Variants in C12orf54 observed in about 807,000 individuals in gnomAD.
The protein encoded by C12orf54 is chromosome 12 open reading frame 54.
C12orf54 carries 24 observed loss-of-function variants against 26.4 expected under a neutral mutation model. That is an observed-to-expected ratio of 0.91 (90% confidence interval 0.66 to 1.28). The LOEUF is 1.28. C12orf54 is among the 50% of genes most tolerant of loss of function. The pLI is 0.00. For synonymous variants in C12orf54, 54 were observed against 47.0 expected, an observed-to-expected ratio of 1.15 and a Z score of -0.61; for missense variants, 154 against 150.9, an observed-to-expected ratio of 1.02 and a Z score of -0.11.
chr12:48,488,861 A>G (rs1466986025), intron 4 of C12orf54, 63 bp from the exon 5 acceptor site: 2 of 1,386,214 alleles, frequency 1.4e-6, no homozygotes, highest in Non-Finnish European at 1.0e-6. Flanking sequence ...TATATGTGAA[A>G]TCCCTCTGTA....
At chr12:48,414,647 C>T in the C12orf54 span, among the ~76,000 whole-genome samples, 1 of 152,132 alleles carries the variant, frequency 6.6e-6, no homozygotes. Flanking sequence ...CAGGCTGGCC[C>T]TTGGAGAAGG....
chr12:48,437,345 C>T, the C12orf54 span, among the ~76,000 whole-genome samples: 1 of 152,212 alleles, frequency 6.6e-6, no homozygotes, highest in African/African-American at 2.4e-5. Flanking sequence ...GGTACCCTTC[C>T]TTCTGAAACT....
intron 5 of C12orf54, 35 bp downstream of exon 5, chr12:48,488,991 C>T (rs200302287): frequency 6.2e-7 from 1 of 1,601,216 alleles, no homozygotes; most frequent in Middle Eastern, 1.6e-4. Flanking sequence ...AATTCCCCAG[C>T]CCCATCATGT....
chr12:48,437,790 A>G, the C12orf54 span, among the ~76,000 whole-genome samples: 1 of 152,176 alleles, frequency 6.6e-6, no homozygotes, highest in Non-Finnish European at 1.5e-5. Flanking sequence ...ACCCACAGCC[A>G]ATATCATACT....
the C12orf54 span, among the ~76,000 whole-genome samples, chr12:48,415,955 T>C: frequency 6.6e-6 from 1 of 152,234 alleles, no homozygotes; most frequent in Non-Finnish European, 1.5e-5. Context: ...CAGTAAATGA[T>C]GTACCATCAT....
the C12orf54 span, among the ~76,000 whole-genome samples, chr12:48,424,503 A>AT: frequency 2.0e-5 from 3 of 151,646 alleles, no homozygotes; most frequent in Admixed American, 6.6e-5. Flanking sequence ...TAAAAATTCA[A>AT]TTTTTTTATG....
chr12:48,427,142 C>T, the C12orf54 span, among the ~76,000 whole-genome samples: 1 of 152,088 alleles, frequency 6.6e-6, no homozygotes, highest in Non-Finnish European at 1.5e-5. Context: ...GAGAGGGCAT[C>T]CTTGTCTTGT....
chr12:48,420,616 C>T, the C12orf54 span, among the ~76,000 whole-genome samples: 2 of 152,166 alleles, frequency 1.3e-5, no homozygotes, highest in Non-Finnish European at 2.9e-5. Flanking sequence ...AGGAGCCCAA[C>T]TTAGATGCCA....
the C12orf54 span, among the ~76,000 whole-genome samples, chr12:48,413,536 G>A: frequency 1.3e-5 from 2 of 152,152 alleles, no homozygotes; most frequent in Non-Finnish European, 2.9e-5. Context: ...TTTGAAGAGT[G>A]TCTTGAAGTG....
the C12orf54 span, among the ~76,000 whole-genome samples, chr12:48,452,314 C>A: frequency 6.6e-6 from 1 of 152,162 alleles, no homozygotes; most frequent in Non-Finnish European, 1.5e-5. Flanking sequence ...CCCTTCCTCA[C>A]CCCATATGCA....
chr12:48,426,593 A>C, the C12orf54 span, among the ~76,000 whole-genome samples: 1 of 152,090 alleles, frequency 6.6e-6, no homozygotes, highest in Non-Finnish European at 1.5e-5. Flanking sequence ...TATGAATTTT[A>C]AAATTGTTGT....
At chr12:48,470,117 C>A in the C12orf54 span, among the ~76,000 whole-genome samples, 1 of 152,174 alleles carries the variant, frequency 6.6e-6, no homozygotes, top group Non-Finnish European at 1.5e-5. Flanking sequence ...TAGGTTGATT[C>A]CATGTCTTTA....
chr12:48,478,276 C>A (rs973525442), upstream of C12orf54, among the ~76,000 whole-genome samples: 3 of 152,104 alleles, frequency 2.0e-5, no homozygotes, highest in African/African-American at 7.2e-5. Context: ...CTATGACAAA[C>A]CCACAGCCAA....
At chr12:48,424,815 G>A in the C12orf54 span, among the ~76,000 whole-genome samples, 1 of 152,050 alleles carries the variant, frequency 6.6e-6, no homozygotes, top group Non-Finnish European at 1.5e-5. Context: ...AAAGAACCCA[G>A]ACACAAATGA....
the C12orf54 span, chr12:48,417,402 T>C: frequency 6.6e-6 from 1 of 152,202 alleles, no homozygotes; most frequent in South Asian, 2.1e-4. Context: ...TGCTTCCCTA[T>C]TTCCTCTGAG....
At chr12:48,431,548 A>G in the C12orf54 span, among the ~76,000 whole-genome samples, 1 of 152,186 alleles carries the variant, frequency 6.6e-6, no homozygotes, top group Non-Finnish European at 1.5e-5. Context: ...ATTCACTAAC[A>G]AAATATAAAA....
chr12:48,483,878 A>G (rs1490763201), intron 2 of C12orf54, among the ~76,000 whole-genome samples: 1 of 152,206 alleles, frequency 6.6e-6, no homozygotes. Context: ...AACTTGCAGC[A>G]GATGTTTTGA....
intron 2 of C12orf54, chr12:48,483,594 G>T: frequency 2.1e-6 from 1 of 468,162 alleles, no homozygotes; most frequent in Non-Finnish European, 3.8e-6. Context: ...ATTCCTCTAG[G>T]GGTTGGCGGG....
chr12:48,438,676 T>C, the C12orf54 span, among the ~76,000 whole-genome samples: 2 of 152,184 alleles, frequency 1.3e-5, no homozygotes, highest in Non-Finnish European at 2.9e-5. Flanking sequence ...ATTTAATAAA[T>C]GGTGCTGGGA....
Sources: allele counts gnomAD v4.1 joint callset (sites outside exome capture counted in the v4.1 genomes callset), GRCh38; gene constraint gnomAD v4.1.1; transcripts MANE v1.5; gene names NCBI Gene and HGNC (gene_info 2026-07-23, HGNC 2026-07-21).